CAMTA1: variants seen among roughly 807,000 people sequenced by gnomAD.
The protein encoded by CAMTA1 is calmodulin binding transcription activator 1.
CAMTA1 carries 27 observed loss-of-function variants against 170.9 expected under a neutral mutation model. The ratio of observed to expected loss-of-function variants is 0.16; its 90% confidence interval spans 0.12 to 0.22. The LOEUF is 0.22. Among genes scored for constraint, CAMTA1 ranks in the 10% least tolerant of loss-of-function variants. The pLI, the probability that CAMTA1 is intolerant of heterozygous loss-of-function variation, is 1.00. For synonymous variants in CAMTA1, 833 were observed against 891.5 expected (o/e 0.93, Z 1.17); for missense variants, 1,619 against 2,217.2 (o/e 0.73, Z 5.42).
At chr1:7,046,126 T>C (rs978230443) in intron 3 of CAMTA1, among the ~76,000 whole-genome samples, 5 of 152,230 alleles carry the variant, frequency 3.3e-5, no homozygotes, top group African/African-American at 9.6e-5. Flanking sequence ...GAAAGTCTGA[T>C]CTCAGATCTG....
chr1:6,787,668 G>A (rs995029560), intron 1 of CAMTA1, among the ~76,000 whole-genome samples: 3 of 152,160 alleles, frequency 2.0e-5, no homozygotes, highest in African/African-American at 7.2e-5. Context: ...ACGGATAAAT[G>A]GCCAATTCTG....
intron 5 of CAMTA1, among the ~76,000 whole-genome samples, chr1:7,422,107 G>C (rs1300180661): frequency 6.6e-6 from 1 of 152,192 alleles, no homozygotes; most frequent in Non-Finnish European, 1.5e-5. Context: ...CTGACTGGCA[G>C]GAGGGTCTGA....
chr1:6,871,595 G>A (rs1032217800), intron 3 of CAMTA1, among the ~76,000 whole-genome samples: 2 of 151,784 alleles, frequency 1.3e-5, no homozygotes, highest in African/African-American at 4.8e-5. Context: ...AAAAAAAATT[G>A]TTGGTAACAG....
chr1:7,722,384 C>T (rs888750481), intron 11 of CAMTA1, among the ~76,000 whole-genome samples: 2 of 152,162 alleles, frequency 1.3e-5, no homozygotes, highest in African/African-American at 4.8e-5. Context: ...CTTCGTGGAA[C>T]AGCTGTGATG....
At chr1:7,438,592 C>T (rs551889030) in intron 5 of CAMTA1, among the ~76,000 whole-genome samples, 23 of 152,244 alleles carry the variant, frequency 1.5e-4, no homozygotes, top group African/African-American at 4.8e-4. Context: ...TACCCAGAGC[C>T]GTGGGAGGCC....
At chr1:7,655,311 G>A (rs567459078) in intron 7 of CAMTA1, among the ~76,000 whole-genome samples, 21 of 96,516 alleles carry the variant, frequency 2.2e-4, no homozygotes, top group African/African-American at 5.9e-4. Flanking sequence ...CACACACACC[G>A]TTATACACAC....
At chr1:7,171,761 C>G (rs563806981) in intron 4 of CAMTA1, among the ~76,000 whole-genome samples, 13 of 152,320 alleles carry the variant, frequency 8.5e-5, no homozygotes, top group Middle Eastern at 3.4e-3. Context: ...CTCAGGCAGT[C>G]CCTCCCTGGT....
intron 6 of CAMTA1, among the ~76,000 whole-genome samples, chr1:7,590,924 C>T (rs2095350871): frequency 1.3e-5 from 2 of 152,302 alleles, no homozygotes; most frequent in Middle Eastern, 6.8e-3. Flanking sequence ...TTCACATTTG[C>T]TCTTGTTTTT....
intron 2 of CAMTA1, among the ~76,000 whole-genome samples, chr1:6,822,631 G>A (rs918418226): frequency 1.6e-4 from 24 of 152,146 alleles, no homozygotes; most frequent in East Asian, 7.7e-4. Context: ...CCACACCTCC[G>A]TGTAAAGTGT....
At chr1:7,131,526 T>C (rs74532051) in intron 4 of CAMTA1, among the ~76,000 whole-genome samples, 2,252 of 151,226 alleles carry the variant, frequency 0.015, 56 homozygotes, top group African/African-American at 0.053. Flanking sequence ...TCTTTTCTTT[T>C]TTTTTTTTTT....
intron 3 of CAMTA1, chr1:6,871,938 A>T: frequency 7.5e-7 from 1 of 1,338,812 alleles, no homozygotes; most frequent in South Asian, 2.0e-5. Flanking sequence ...ATTTCCTCAA[A>T]TAGAGATACC....
intron 6 of CAMTA1, among the ~76,000 whole-genome samples, chr1:7,477,039 G>A (rs1303046555): frequency 1.3e-5 from 2 of 152,154 alleles, no homozygotes; most frequent in Non-Finnish European, 2.9e-5. Flanking sequence ...AGACGCTTGC[G>A]CCATTAGATA....
chr1:7,035,867 A>C (rs529830798), intron 3 of CAMTA1, among the ~76,000 whole-genome samples: 1 of 152,396 alleles, frequency 6.6e-6, no homozygotes, highest in East Asian at 1.9e-4. Flanking sequence ...AAATTGCAGT[A>C]TTCTTATATA....
intron 3 of CAMTA1, among the ~76,000 whole-genome samples, chr1:6,856,611 C>A (rs1662505252): frequency 6.6e-6 from 1 of 151,998 alleles, no homozygotes; most frequent in Non-Finnish European, 1.5e-5. Flanking sequence ...AAGATAAAAT[C>A]TTGCTTTCAA....
chr1:7,660,959 G>A lies in CAMTA1; in HGVS notation c.665-767G>A, dbSNP rs558387659. Among the ~76,000 whole-genome samples, 100 of 152,348 alleles carry A rather than the reference G, an allele frequency of 6.6e-4. 1 individual carries two copies. The South Asian group carries it at 8.7e-3, about 13-fold the overall frequency. On this transcript the variant is annotated intron_variant, in intron 7 of 22. Coordinates refer to ENST00000303635, the MANE Select transcript of CAMTA1 (RefSeq NM_015215.4). ...AGAAAACTGCTCTGCTGGAAAAGTC[G>A]GTTTAGACTTCCAGCCCCCATCCTG... is the stretch of plus-strand genomic sequence containing the variant.
chr1:7,388,265 G>A (rs1226541190), intron 5 of CAMTA1: 6 of 152,230 alleles, frequency 3.9e-5, no homozygotes, highest in Non-Finnish European at 8.8e-5. Flanking sequence ...CTGCAAACAC[G>A]CCTTGCTCCT....
At chr1:7,710,730 C>A (rs2096564253) in intron 11 of CAMTA1, among the ~76,000 whole-genome samples, 1 of 151,754 alleles carries the variant, frequency 6.6e-6, no homozygotes, top group South Asian at 2.1e-4. Flanking sequence ...CCACCCCACT[C>A]TCCTCCTCTA....
rs201500847 is a variant in CAMTA1 at position 6,997,656 on chromosome 1, C to CTTTTTTTTT, written c.235-93645_235-93644insTTTTTTTTT. On this transcript the variant is annotated intron_variant, in intron 3 of 22. Coordinates refer to ENST00000303635, the MANE Select transcript of CAMTA1 (RefSeq NM_015215.4). ...CTGTTTTCCATATTTCCTTTCTTTTCTTTCTTTTTTTTTTTTTTTTTGAGA... is the reference window on the plus strand; with the variant it reads ...CTGTTTTCCATATTTCCTTTCTTTTCTTTTTTTTTTTTCTTTTTTTTTTTTTTTTTGAGA... 3.8e-4 allele frequency among the ~76,000 whole-genome samples: 49 copies of CTTTTTTTTT among 128,382 alleles called. 3 individuals carry two copies. Among genetic ancestry groups the CTTTTTTTTT allele is most frequent in the East Asian group, 8.4e-4 (4 of 4,756 alleles). The allele number at this position is 128,382 out of a possible 152,430, so 84.2% of individuals were successfully genotyped here. A position where few individuals can be genotyped will look rare whatever the true frequency, so the allele number is the denominator to read the frequency against.
chr1:7,244,057 C>T (rs1355200272), intron 4 of CAMTA1, among the ~76,000 whole-genome samples: 1 of 152,074 alleles, frequency 6.6e-6, no homozygotes, highest in African/African-American at 2.4e-5. Flanking sequence ...AAAAACAAAC[C>T]ACCCCATCAA....
Sources: allele counts gnomAD v4.1 joint callset (sites outside exome capture counted in the v4.1 genomes callset), GRCh38; gene constraint gnomAD v4.1.1; transcripts MANE v1.5; gene names NCBI Gene and HGNC (gene_info 2026-07-23, HGNC 2026-07-21).